The following COBL variants were observed in gnomAD, a reference collection of about 807,000 sequenced individuals.
COBL encodes the protein protein cordon-bleu.
A neutral mutation model predicts 98.8 loss-of-function variants in COBL; 51 were observed. The observed-to-expected ratio is 0.52, with a 90% CI of 0.41 to 0.65. The LOEUF (loss-of-function observed/expected upper bound fraction) is 0.65. Ranked by LOEUF, COBL falls within the 30% of genes least tolerant of loss-of-function variation. The pLI is 0.00. For synonymous variants in COBL, 634 were observed against 651.7 expected, an observed-to-expected ratio of 0.97 and a Z score of 0.41; for missense variants, 1,617 against 1,617.5, an observed-to-expected ratio of 1.00 and a Z score of 0.01.
chr7:51,101,738 T>G (rs1407251964), intron 6 of COBL, among the ~76,000 whole-genome samples: 5 of 152,246 alleles, frequency 3.3e-5, no homozygotes, highest in Admixed American at 1.3e-4. Context: ...GAAAATACTT[T>G]AAAAGTCTAT....
At chr7:51,082,308 G>A (rs770395079) in intron 7 of COBL, among the ~76,000 whole-genome samples, 1 of 152,108 alleles carries the variant, frequency 6.6e-6, no homozygotes, top group South Asian at 2.1e-4. Flanking sequence ...AAGTGTCGCC[G>A]CCCAGCTGAG....
chr7:51,294,361 C>CA (rs1467209617), intron 1 of COBL, among the ~76,000 whole-genome samples: 15 of 150,310 alleles, frequency 1.0e-4, no homozygotes, highest in Admixed American at 4.0e-4. Flanking sequence ...AGGCAGGGCG[C>CA]AGAGCTCATG....
chr7:51,088,724 C>T (rs1794520876), intron 6 of COBL, among the ~76,000 whole-genome samples: 1 of 152,108 alleles, frequency 6.6e-6, no homozygotes, highest in Non-Finnish European at 1.5e-5. Flanking sequence ...ATGGGATTCC[C>T]AGTGGGGATC....
At chr7:51,278,379 C>CTTTTT (rs10649607) in intron 1 of COBL, among the ~76,000 whole-genome samples, 15 of 119,516 alleles carry the variant, frequency 1.3e-4, no homozygotes, top group Admixed American at 1.9e-4. Flanking sequence ...TAGACAGGAT[C>CTTTTT]TTTTTTTTTT....
At chr7:51,191,471 A>G (rs1392183090) in intron 3 of COBL, among the ~76,000 whole-genome samples, 1 of 151,824 alleles carries the variant, frequency 6.6e-6, no homozygotes, top group Non-Finnish European at 1.5e-5. Context: ...AAACCCTCCA[A>G]AAACATGACA....
chr7:51,078,780 TC>T (rs1401334110), intron 7 of COBL, among the ~76,000 whole-genome samples: 5 of 152,172 alleles, frequency 3.3e-5, no homozygotes, highest in Admixed American at 3.3e-4. Context: ...GCCCCCAACT[TC>T]ACTCAAGTGG....
chr7:51,019,405 A>G (rs1786697257), intron 12 of COBL, among the ~76,000 whole-genome samples: 1 of 152,154 alleles, frequency 6.6e-6, no homozygotes, highest in Non-Finnish European at 1.5e-5. Context: ...CTGCTAGAGA[A>G]ATTAGAGCTG....
chr7:51,266,368 C>T (rs986975992), intron 1 of COBL, among the ~76,000 whole-genome samples: 6 of 152,186 alleles, frequency 3.9e-5, no homozygotes, highest in African/African-American at 1.4e-4. Context: ...CACCTGAGGT[C>T]GGGAGTTTGA....
chr7:51,275,731 T>A (rs901993898), intron 1 of COBL, among the ~76,000 whole-genome samples: 1 of 152,214 alleles, frequency 6.6e-6, no homozygotes, highest in Non-Finnish European at 1.5e-5. Context: ...CCAGGAGGCC[T>A]GTCCCAACAA....
chr7:51,194,426 T>C (rs1216754140), intron 2 of COBL, among the ~76,000 whole-genome samples: 1 of 152,222 alleles, frequency 6.6e-6, no homozygotes, highest in Non-Finnish European at 1.5e-5. Flanking sequence ...AACATACACA[T>C]GCATGTGTCT....
chr7:51,312,711 T>C (rs1803175954), intron 1 of COBL, among the ~76,000 whole-genome samples: 1 of 152,154 alleles, frequency 6.6e-6, no homozygotes, highest in African/African-American at 2.4e-5. Context: ...GGGCTGTCGC[T>C]CTGCCTGGGT....
chr7:51,299,698 G>C (rs957380015), intron 1 of COBL, among the ~76,000 whole-genome samples: 1 of 152,174 alleles, frequency 6.6e-6, no homozygotes, highest in African/African-American at 2.4e-5. Context: ...CTGTCATCCT[G>C]AGCAAGCTGC....
At chr7:51,187,551 C>T (rs533649337) in intron 4 of COBL, among the ~76,000 whole-genome samples, 2 of 152,210 alleles carry the variant, frequency 1.3e-5, no homozygotes, top group African/African-American at 4.8e-5. Context: ...CCTTCAGGGG[C>T]AGGTAAGCAT....
At chr7:51,071,441 A>G (rs1331993511) in intron 7 of COBL, 1 of 152,148 alleles carries the variant, frequency 6.6e-6, no homozygotes, top group Non-Finnish European at 1.5e-5. Context: ...TCACTAGAGT[A>G]TTGTCAAAGA....
chr7:51,138,665 C>T (rs11973464), intron 5 of COBL, among the ~76,000 whole-genome samples: 33 of 152,206 alleles, frequency 2.2e-4, no homozygotes, highest in African/African-American at 7.2e-4. Flanking sequence ...CACACTCACG[C>T]ACATGTGCAC....
chr7:51,307,565 T>C (rs1028669283), intron 1 of COBL, among the ~76,000 whole-genome samples: 1 of 152,148 alleles, frequency 6.6e-6, no homozygotes, highest in Non-Finnish European at 1.5e-5. Context: ...TGGGTCCTCC[T>C]TTAGAAAAAT....
intron 6 of COBL, 132 bp downstream of exon 6, chr7:51,136,026 A>T: frequency 2.6e-6 from 3 of 1,174,008 alleles, no homozygotes; most frequent in Non-Finnish European, 3.5e-6. Context: ...ATAAAGCTTA[A>T]ATACTTGCCC....
intron 1 of COBL, among the ~76,000 whole-genome samples, chr7:51,277,376 G>A (rs1272345093): frequency 6.6e-6 from 1 of 152,162 alleles, no homozygotes; most frequent in Non-Finnish European, 1.5e-5. Flanking sequence ...AGGAGAGAGA[G>A]AATAGAGCAA....
Position 51,174,418 on chromosome 7 carries a change from A to G in COBL, c.783+9684T>C, listed in dbSNP as rs115098310. Among the ~76,000 whole-genome samples the G allele has an allele frequency of 3.3e-3, 508 of 152,368 alleles. 3 individuals carry two copies. Among genetic ancestry groups the G allele is most frequent in the African/African-American group, 0.012 (487 of 41,586 alleles). On this transcript the variant is annotated intron_variant, in intron 5 of 12. Coordinates refer to ENST00000265136, the MANE Select transcript of COBL (RefSeq NM_015198.5). ...CAATAACAAATTATCCAATAAAGAT[A>G]AGACTGAAGAAGGGATGTCTAGAGA...
Sources: gnomAD v4.1 joint callset for allele counts (sites outside exome capture counted in the v4.1 genomes callset) on GRCh38, gnomAD v4.1.1 for gene constraint, MANE v1.5 for transcripts, NCBI Gene and HGNC (gene_info 2026-07-23, HGNC 2026-07-21) for gene names.